The following SPIDR variants were observed in gnomAD, a reference collection of about 807,000 sequenced individuals.
SPIDR encodes DNA repair-scaffolding protein.
SPIDR carries 93 observed loss-of-function variants against 104.6 expected under a neutral mutation model. The observed-to-expected ratio is 0.89, with a 90% confidence interval of 0.75 to 1.06. The LOEUF (loss-of-function observed/expected upper bound fraction) is 1.06, where lower values mean the gene tolerates loss of function less well. Among genes scored for constraint, SPIDR ranks in the 50% least tolerant of loss-of-function variants. The pLI is 0.00. For synonymous variants in SPIDR, 431 were observed against 416.9 expected, an observed-to-expected ratio of 1.03 and a Z score of -0.41; for missense variants, 1,154 against 1,111.2, an observed-to-expected ratio of 1.04 and a Z score of -0.55.
chr8:47,562,593 G>A (rs1344580089), intron 8 of SPIDR, among the ~76,000 whole-genome samples: 1 of 152,204 alleles, frequency 6.6e-6, no homozygotes, highest in South Asian at 2.1e-4. Context: ...CACCTGAGGT[G>A]ACTGCCTTTG....
At chr8:47,720,505 T>G (rs2083241739) in intron 16 of SPIDR, among the ~76,000 whole-genome samples, 2 of 152,244 alleles carry the variant, frequency 1.3e-5, no homozygotes, top group Admixed American at 6.5e-5. Flanking sequence ...GTTTTGGATT[T>G]TTGCCATTCT....
intron 3 of SPIDR, among the ~76,000 whole-genome samples, chr8:47,289,553 C>G (rs1196921830): frequency 5.9e-5 from 9 of 151,862 alleles, no homozygotes; most frequent in African/African-American, 2.2e-4. Flanking sequence ...TGAAATAGCC[C>G]CATTCTGTCA....
intron 5 of SPIDR, among the ~76,000 whole-genome samples, chr8:47,345,212 A>G (rs1242413448): frequency 2.0e-5 from 3 of 152,174 alleles, no homozygotes; most frequent in African/African-American, 7.2e-5. Context: ...CCATTTATTA[A>G]ATAGGGAATC....
chr8:47,655,675 T>G (rs1208018195), intron 10 of SPIDR, among the ~76,000 whole-genome samples: 4 of 152,248 alleles, frequency 2.6e-5, no homozygotes, highest in African/African-American at 9.6e-5. Flanking sequence ...TTCTGTAGGT[T>G]GCCTGTTCAC....
intron 5 of SPIDR, among the ~76,000 whole-genome samples, chr8:47,351,095 G>A (rs529127634): frequency 3.9e-5 from 6 of 152,244 alleles, no homozygotes; most frequent in South Asian, 4.2e-4. Context: ...CTGTGTTCAC[G>A]TCACTCTTAC....
intron 5 of SPIDR, among the ~76,000 whole-genome samples, chr8:47,297,542 G>A (rs928274227): frequency 2.6e-5 from 4 of 151,702 alleles, no homozygotes; most frequent in Admixed American, 6.6e-5. Flanking sequence ...GTGCCATGTC[G>A]GTGTGCTGCA....
intron 5 of SPIDR, among the ~76,000 whole-genome samples, chr8:47,294,683 C>T (rs1408768472): frequency 5.3e-5 from 8 of 152,120 alleles, no homozygotes; most frequent in Admixed American, 2.6e-4. Context: ...CAGGCTAGAA[C>T]GCAATGGTGC....
chr8:47,603,332 C>A (rs1284061521), intron 10 of SPIDR, among the ~76,000 whole-genome samples: 1 of 152,156 alleles, frequency 6.6e-6, no homozygotes, highest in Non-Finnish European at 1.5e-5. Context: ...ACCTTTCTTT[C>A]TCCCTTTCTA....
At chr8:47,665,648 G>A (rs977103812) in intron 10 of SPIDR, among the ~76,000 whole-genome samples, 33 of 152,294 alleles carry the variant, frequency 2.2e-4, no homozygotes, top group African/African-American at 7.5e-4. Context: ...TAAAATAGGC[G>A]ATACATTCTT....
rs1004267365 is a variant in SPIDR, at chr8:47,374,071, G to A, written c.526-22305G>A. 1.2e-4 allele frequency among the ~76,000 whole-genome samples: 19 copies of A among 152,276 alleles called. No individual in the cohort carries two copies. In the East Asian group the frequency reaches 1.3e-3, roughly 11 times the overall value. ...GTGTGGTGATGGTTTCTACTGAGAC[G>A]TCTTTTTTTCTCTTATTCATCTGGA... is the stretch of plus-strand genomic sequence containing the variant. On this transcript the variant is annotated intron_variant, in intron 5 of 19. Coordinates refer to ENST00000297423, the MANE Select transcript of SPIDR (RefSeq NM_001080394.4).
chr8:47,568,736 A>T (rs1188862189), intron 8 of SPIDR, among the ~76,000 whole-genome samples: 5 of 152,160 alleles, frequency 3.3e-5, no homozygotes, highest in Non-Finnish European at 7.4e-5. Context: ...ATGGAGCAAA[A>T]CATCCCCGCC....
chr8:47,261,788 A>G (rs1421657634), intron 1 of SPIDR, among the ~76,000 whole-genome samples: 1 of 152,224 alleles, frequency 6.6e-6, no homozygotes, highest in African/African-American at 2.4e-5. Flanking sequence ...ACCATTGATT[A>G]TCAGCCCACA....
intron 8 of SPIDR, among the ~76,000 whole-genome samples, chr8:47,490,773 A>G (rs2078562057): frequency 6.6e-6 from 1 of 152,124 alleles, no homozygotes; most frequent in South Asian, 2.1e-4. Flanking sequence ...ACATGTTCTC[A>G]CTCATAGGTG....
At chr8:47,654,930 C>T (rs573114305) in intron 10 of SPIDR, among the ~76,000 whole-genome samples, 55 of 151,898 alleles carry the variant, frequency 3.6e-4, no homozygotes, top group Non-Finnish European at 6.3e-4. Context: ...CCTGTGTCCA[C>T]GTGTTCTCAT....
chr8:47,281,822 T>C (rs1443225118), intron 2 of SPIDR, among the ~76,000 whole-genome samples: 3 of 152,226 alleles, frequency 2.0e-5, no homozygotes, highest in African/African-American at 7.2e-5. Flanking sequence ...ATGGTGAATA[T>C]TTTTCTGAAA....
chr8:47,459,916 TATTTA>T (rs1221859757), intron 8 of SPIDR, among the ~76,000 whole-genome samples: 1 of 152,172 alleles, frequency 6.6e-6, no homozygotes, highest in African/African-American at 2.4e-5. Context: ...AGGAGCAGGT[TATTTA>T]ATTTCCATGT....
chr8:47,641,303 G>T (rs1444267245), intron 10 of SPIDR, among the ~76,000 whole-genome samples: 2 of 152,062 alleles, frequency 1.3e-5, no homozygotes, highest in African/African-American at 4.8e-5. Flanking sequence ...GGTGATACAG[G>T]TGTGAGCCAC....
At chr8:47,688,016 AGTGTGTGTGTGT>A (rs141582845) in intron 11 of SPIDR, among the ~76,000 whole-genome samples, 3 of 145,676 alleles carry the variant, frequency 2.1e-5, no homozygotes, top group African/African-American at 7.5e-5. Context: ...AAAAAAAAAA[AGTGTGTGTGTGT>A]GTGTGTGTGT....
At chr8:47,705,030 A>T (rs927756735) in intron 14 of SPIDR, among the ~76,000 whole-genome samples, 1 of 152,208 alleles carries the variant, frequency 6.6e-6, no homozygotes, top group Non-Finnish European at 1.5e-5. Flanking sequence ...CCTTTCACCC[A>T]TAGGGAGAAT....
Sources: allele counts gnomAD v4.1 joint callset (sites outside exome capture counted in the v4.1 genomes callset), GRCh38; gene constraint gnomAD v4.1.1; transcripts MANE v1.5; gene names NCBI Gene and HGNC (gene_info 2026-07-23, HGNC 2026-07-21).